SLC49A4: variants seen among roughly 807,000 people sequenced by gnomAD.
The protein encoded by SLC49A4 is disrupted in renal cancer protein 2.
Under a neutral mutation model 50.6 loss-of-function variants are expected in SLC49A4, and 36 were observed. The observed-to-expected ratio is 0.71, with a 90% CI of 0.55 to 0.94. The LOEUF (loss-of-function observed/expected upper bound fraction) is 0.94. Ranked by LOEUF, SLC49A4 falls within the 40% of genes least tolerant of loss-of-function variation. The pLI, the probability that SLC49A4 is intolerant of heterozygous loss-of-function variation, is 0.00. For missense variants in SLC49A4, 503 were observed against 605.7 expected, an observed-to-expected ratio of 0.83 and a Z score of 1.78; for synonymous variants, 248 against 241.2, an observed-to-expected ratio of 1.03 and a Z score of -0.26.
Position 122,815,096 on chromosome 3 carries a change from C to CT in SLC49A4, c.437+8159dup, listed in dbSNP as rs201843402. On this transcript the variant is annotated intron_variant, in intron 2 of 8. Coordinates refer to ENST00000261038, the MANE Select transcript of SLC49A4 (RefSeq NM_032839.3). The stretch of plus-strand genomic sequence containing the variant: ...TATCCAAGGCAGGTGACTGCATCTT[C>CT]TTTTTTTTTTTTTGAGATGGAGTCT... Among the ~76,000 whole-genome samples the CT allele has an allele frequency of 8.6e-3, 1,248 of 144,526 alleles. 4 individuals are homozygous for CT. The highest frequency in any genetic ancestry group is 0.015 in the South Asian group (69 of 4,544). 94.8% of individuals were successfully genotyped at this position (144,526 alleles called of 152,430 possible).
chr3:122,875,581 G>A (rs1458913078), intron 8 of SLC49A4, among the ~76,000 whole-genome samples: 2 of 151,940 alleles, frequency 1.3e-5, no homozygotes, highest in South Asian at 2.1e-4. Flanking sequence ...TGAACTCCTG[G>A]GCTCAAGCAA....
intron 3 of SLC49A4, among the ~76,000 whole-genome samples, chr3:122,832,239 A>G (rs1936617721): frequency 6.6e-6 from 1 of 152,194 alleles, no homozygotes; most frequent in Non-Finnish European, 1.5e-5. Context: ...AGACAGGTCT[A>G]TATTCCAAGT....
intron 5 of SLC49A4, among the ~76,000 whole-genome samples, chr3:122,854,678 CT>C (rs1329119602): frequency 6.6e-6 from 1 of 152,230 alleles, no homozygotes; most frequent in Non-Finnish European, 1.5e-5. Flanking sequence ...TTAATGAGAA[CT>C]GACACATGGT....
intron 3 of SLC49A4, among the ~76,000 whole-genome samples, chr3:122,830,268 T>C (rs1936589989): frequency 6.6e-6 from 1 of 152,178 alleles, no homozygotes; most frequent in Admixed American, 6.5e-5. Flanking sequence ...TGTAGTGCAA[T>C]CCCTTTAAAA....
rs1374224981 is a variant in SLC49A4 at position 122,806,871 on chromosome 3, G to A, written c.358G>A (p.Val120Met). The A allele has an allele frequency of 2.5e-6, 4 of 1,606,110 alleles. No homozygotes were observed. The Admixed American group carries it at 5.0e-5, about 20-fold the overall frequency. Reference sequence around the variant, plus strand: ...TTTCATTTTAGGTCTCCGGATAACTGTGCTCCTGACATCCTTCCTTATGGT... The same window carrying A: ...TTTCATTTTAGGTCTCCGGATAACTATGCTCCTGACATCCTTCCTTATGGT... ...LLDKRGLRIT[V>M]LLTSFLMVLG... Residue 120 changes from valine (V) to methionine (M), a missense_variant, in exon 2 of 9, where the codon GTG becomes ATG. Physicochemically the swap from Val to Met is conservative, Grantham distance 21 (BLOSUM62 1). Coordinates refer to ENST00000261038, the MANE Select transcript of SLC49A4 (RefSeq NM_032839.3).
intron 3 of SLC49A4, among the ~76,000 whole-genome samples, chr3:122,830,544 A>G (rs1936595306): frequency 6.6e-6 from 1 of 152,370 alleles, no homozygotes; most frequent in Middle Eastern, 3.4e-3. Flanking sequence ...TTGATTTTTC[A>G]GAAGGGTCCC....
intron 4 of SLC49A4, among the ~76,000 whole-genome samples, chr3:122,840,627 C>T (rs1936758134): frequency 6.6e-6 from 1 of 151,986 alleles, no homozygotes; most frequent in South Asian, 2.1e-4. Context: ...ATATGTTATT[C>T]ATAACATCTT....
chr3:122,851,560 T>C (rs961517254), intron 5 of SLC49A4, among the ~76,000 whole-genome samples: 3 of 152,208 alleles, frequency 2.0e-5, no homozygotes, highest in Non-Finnish European at 4.4e-5. Context: ...AGATTTTCTG[T>C]ATATCATTGG....
At chr3:122,856,225 G>A (rs1309722099) in intron 5 of SLC49A4, 82 bp from the exon 6 acceptor site, 1 of 1,322,824 alleles carries the variant, frequency 7.6e-7, no homozygotes, top group African/African-American at 1.5e-5. Flanking sequence ...CTAACATATT[G>A]ATTATAGAGG....
rs1441193470 is a variant in SLC49A4 at position 122,823,750 on chromosome 3, C to T, written c.438-3050C>T. 3.3e-5 allele frequency among the ~76,000 whole-genome samples: 5 copies of T among 152,022 alleles called. No homozygotes were observed. In the East Asian group the frequency reaches 9.6e-4, roughly 29 times the overall value. ...AAAAATGTATCTCTAATTTGCATTC[C>T]TATTAAATGGAAAAATTAGACTTAA... On this transcript the variant is annotated intron_variant, in intron 2 of 8. Coordinates refer to ENST00000261038, the MANE Select transcript of SLC49A4 (RefSeq NM_032839.3).
chr3:122,804,954 C>CA (rs1936193460), intron 1 of SLC49A4, among the ~76,000 whole-genome samples: 1 of 152,162 alleles, frequency 6.6e-6, no homozygotes, highest in Non-Finnish European at 1.5e-5. Flanking sequence ...TAAACAGTGC[C>CA]TCACTGCTTG....
At chr3:122,813,240 C>CAAAAA (rs71621692) in intron 2 of SLC49A4, among the ~76,000 whole-genome samples, 2 of 85,276 alleles carry the variant, frequency 2.3e-5, no homozygotes, top group African/African-American at 4.6e-5. Context: ...GACTCTGTCT[C>CAAAAA]AAAAAAAAAA....
intron 7 of SLC49A4, among the ~76,000 whole-genome samples, chr3:122,865,694 A>G (rs939406080): frequency 6.6e-6 from 1 of 152,142 alleles, no homozygotes; most frequent in African/African-American, 2.4e-5. Flanking sequence ...TCACTTGTTC[A>G]AGTTTAATTG....
chr3:122,828,587 A>G (rs1314392449), intron 3 of SLC49A4, among the ~76,000 whole-genome samples: 1 of 152,190 alleles, frequency 6.6e-6, no homozygotes, highest in Non-Finnish European at 1.5e-5. Flanking sequence ...GCAGGCCTGA[A>G]GGGTTTAAGG....
intron 4 of SLC49A4, among the ~76,000 whole-genome samples, chr3:122,838,394 A>G (rs551230543): frequency 0.025 from 3,807 of 152,224 alleles, 149 homozygotes; most frequent in African/African-American, 0.084. Flanking sequence ...TGATGAGTTC[A>G]TGTCCTTTGT....
At chr3:122,817,747 ATTTTTTTTTTTTTTTTT>A (rs77819385) in intron 2 of SLC49A4, among the ~76,000 whole-genome samples, 1 of 71,864 alleles carries the variant, frequency 1.4e-5, no homozygotes, top group African/African-American at 5.6e-5. Flanking sequence ...CACCCAGCTA[ATTTTTTTTTTTTTTTTT>A]TTTTTTTTTT....
intron 3 of SLC49A4, among the ~76,000 whole-genome samples, chr3:122,832,693 T>A (rs113691373): frequency 9.6e-4 from 146 of 152,362 alleles, no homozygotes; most frequent in African/African-American, 3.2e-3. Context: ...TGGCTTTTAA[T>A]GTTTTCTCCA....
rs112746885 is a variant in SLC49A4 at position 122,797,396 on chromosome 3, A to C, written c.343+1861A>C. On this transcript the variant is annotated intron_variant, in intron 1 of 8. Transcript: ENST00000261038. Reference sequence around the variant, plus strand: ...TTCAAAAAGAAACTTGAGGCAAGATATAGACTATGTGAAGATCAAGTCAAA... The same window carrying C: ...TTCAAAAAGAAACTTGAGGCAAGATCTAGACTATGTGAAGATCAAGTCAAA... Among the ~76,000 whole-genome samples, 529 of 152,364 alleles carry C rather than the reference A, an allele frequency of 3.5e-3. 4 individuals carry two copies. Among genetic ancestry groups the C allele is most frequent in the African/African-American group, 0.011 (454 of 41,586 alleles).
chr3:122,847,379 G>T (rs961511511), intron 5 of SLC49A4, among the ~76,000 whole-genome samples: 6 of 133,750 alleles, frequency 4.5e-5, no homozygotes, highest in Non-Finnish European at 7.7e-5. Context: ...ATGGAGTCTC[G>T]CTCTGTCGCC....
Sources: gnomAD v4.1 joint callset for allele counts (sites outside exome capture counted in the v4.1 genomes callset) on GRCh38, gnomAD v4.1.1 for gene constraint, MANE v1.5 for transcripts, NCBI Gene and HGNC (gene_info 2026-07-23, HGNC 2026-07-21) for gene names.